Variants in TMPRSS9 observed in about 807,000 individuals in gnomAD.
TMPRSS9 encodes the protein transmembrane serine protease 9.
A neutral mutation model predicts 111.4 loss-of-function variants in TMPRSS9; 113 were observed. That is an observed-to-expected ratio of 1.01 (90% CI 0.87 to 1.19). The LOEUF (loss-of-function observed/expected upper bound fraction) is 1.19, where lower values mean the gene tolerates loss of function less well. Ranked by LOEUF, TMPRSS9 falls within the 50% of genes most tolerant of loss-of-function variation. The probability of loss-of-function intolerance (pLI) is 0.00; values close to 1 mark genes in which losing one functional copy is unlikely to be tolerated. For synonymous variants in TMPRSS9, 805 were observed against 659.1 expected, an observed-to-expected ratio of 1.22 and a Z score of -3.39; for missense variants, 1,803 against 1,513.1, an observed-to-expected ratio of 1.19 and a Z score of -3.18.
chr19:2,377,194 C>T (rs949920380), intron 1 of TMPRSS9, among the ~76,000 whole-genome samples: 6 of 150,536 alleles, frequency 4.0e-5, no homozygotes, highest in Admixed American at 6.6e-5. Context: ...TGACGGCTCA[C>T]ATTTCAGTCC....
upstream of TMPRSS9, among the ~76,000 whole-genome samples, chr19:2,386,142 G>A (rs923243952): frequency 3.9e-5 from 6 of 152,034 alleles, no homozygotes; most frequent in Non-Finnish European, 8.8e-5. Context: ...TCGACATGGG[G>A]TCTTGCTATG....
chr19:2,388,276 A>C (rs1275970395), upstream of TMPRSS9, among the ~76,000 whole-genome samples: 1 of 151,920 alleles, frequency 6.6e-6, no homozygotes, highest in Non-Finnish European at 1.5e-5. Context: ...GGCCCTAGCT[A>C]CTAGGAGGCG....
Position 2,412,445 on chromosome 19 carries a change from G to A in TMPRSS9, c.1255-1255G>A, listed in dbSNP as rs559346429. On this transcript the variant is annotated intron_variant, in intron 9 of 17. Coordinates refer to ENST00000648592, the Ensembl canonical transcript of TMPRSS9. ...TTAAAAATGTCGCTCAATTCTTGCC[G>A]TGATCTTATATTTGCTATTCACTTT... 3.3e-5 allele frequency among the ~76,000 whole-genome samples: 5 copies of A among 152,164 alleles called. No individual in the cohort carries two copies. In the South Asian group the frequency reaches 6.2e-4, roughly 19 times the overall value.
intron 1 of TMPRSS9, among the ~76,000 whole-genome samples, chr19:2,380,574 C>A (rs891894186): frequency 3.7e-5 from 5 of 136,100 alleles, no homozygotes; most frequent in Non-Finnish European, 7.6e-5. Context: ...GCACTCCAGC[C>A]TGGGCAACAG....
At chr19:2,397,109 C>G (rs1378951934) in intron 2 of TMPRSS9, among the ~76,000 whole-genome samples, 1 of 151,668 alleles carries the variant, frequency 6.6e-6, no homozygotes, top group Non-Finnish European at 1.5e-5. Flanking sequence ...TTAGTAGAGA[C>G]GGGGTTTCAC....
At chr19:2,415,055 C>T (rs1001101607) in intron 10 of TMPRSS9, among the ~76,000 whole-genome samples, 2 of 150,720 alleles carry the variant, frequency 1.3e-5, no homozygotes, top group African/African-American at 4.9e-5. Context: ...AGTGATTCTC[C>T]TGCCTCAGCC....
chr19:2,368,004 C>A (rs1005237133), intron 1 of TMPRSS9, among the ~76,000 whole-genome samples: 3 of 152,186 alleles, frequency 2.0e-5, no homozygotes, highest in Non-Finnish European at 2.9e-5. Context: ...AGCCACCATG[C>A]CTGGCTTTAT....
intron 6 of TMPRSS9, among the ~76,000 whole-genome samples, chr19:2,403,626 G>T (rs1442345879): frequency 1.3e-5 from 2 of 151,824 alleles, no homozygotes; most frequent in African/African-American, 4.8e-5. Flanking sequence ...GGAGGCCAAG[G>T]CAGGAGGATC....
At chr19:2,421,903 A>C in exon 14 of TMPRSS9, 1 of 1,612,482 alleles carries the variant, frequency 6.2e-7, no homozygotes, top group South Asian at 1.1e-5. Flanking sequence ...GGCGTGTTTT[A>C]TCTGGCAGGG....
Position 2,424,873 on chromosome 19 carries a change from A to C in TMPRSS9, c.2718-129A>C. On this transcript the variant is annotated intron_variant, in intron 15 of 17. Coordinates refer to ENST00000648592, the Ensembl canonical transcript of TMPRSS9. Reference sequence around the variant, plus strand: ...TGGGGGAGACTGAGCCCATTCCCAGACCGACAGCCAGAGACCAAGAGGCCA... The same window carrying C: ...TGGGGGAGACTGAGCCCATTCCCAGCCCGACAGCCAGAGACCAAGAGGCCA... 1.7e-6 allele frequency: 2 copies of C among 1,206,496 alleles called. 1 individual carries two copies. The highest frequency in any genetic ancestry group is 3.3e-5 in the African/African-American group (2 of 61,272). 74.7% of individuals were successfully genotyped at this position (1,206,496 alleles called of 1,614,324 possible). A position where few individuals can be genotyped will look rare whatever the true frequency, so the allele number is the denominator to read the frequency against.
chr19:2,416,270 T>G, intron 11 of TMPRSS9: 5 of 502,838 alleles, frequency 9.9e-6, no homozygotes, highest in South Asian at 6.3e-5. Context: ...CTGTAGGGGG[T>G]TGGGGGGGGG....
intron 1 of TMPRSS9, among the ~76,000 whole-genome samples, chr19:2,369,010 G>A (rs1970269868): frequency 6.7e-6 from 1 of 150,146 alleles, no homozygotes; most frequent in Non-Finnish European, 1.5e-5. Flanking sequence ...GTAGTGCAAA[G>A]GTGTGATCTC....
intron 7 of TMPRSS9, among the ~76,000 whole-genome samples, chr19:2,406,869 GGCTCTCTGTAA>G (rs1484832054): frequency 1.4e-5 from 2 of 144,146 alleles, no homozygotes; most frequent in Non-Finnish European, 3.0e-5. Context: ...GTGCAGTTTT[GGCTCTCTGTAA>G]GCTCCACCTC....
chr19:2,411,874 A>G (rs897559863), intron 9 of TMPRSS9, among the ~76,000 whole-genome samples: 5 of 152,058 alleles, frequency 3.3e-5, no homozygotes, highest in African/African-American at 9.7e-5. Flanking sequence ...TTTTGTTTTC[A>G]AGGTGTCTCA....
At chr19:2,394,505 C>T (rs956552779) in intron 1 of TMPRSS9, among the ~76,000 whole-genome samples, 3 of 152,200 alleles carry the variant, frequency 2.0e-5, no homozygotes, top group African/African-American at 7.2e-5. Context: ...ATTTCTGCAA[C>T]TTCCTGAATC....
At chr19:2,416,161 C>A in intron 11 of TMPRSS9, 1 of 418,450 alleles carries the variant, frequency 2.4e-6, no homozygotes, top group Non-Finnish European at 4.3e-6. Flanking sequence ...ATTGCTTGAG[C>A]CCAGGAGGTC....
intron 1 of TMPRSS9, among the ~76,000 whole-genome samples, chr19:2,395,526 A>C (rs1437987525): frequency 6.6e-6 from 1 of 151,798 alleles, no homozygotes; most frequent in Non-Finnish European, 1.5e-5. Flanking sequence ...CGGGAGTTTG[A>C]GACCAGCCTG....
intron 5 of TMPRSS9, 83 bp from the exon 7 acceptor site, chr19:2,402,999 G>A: frequency 2.2e-6 from 2 of 921,990 alleles, no homozygotes; most frequent in Non-Finnish European, 3.5e-6. Flanking sequence ...CCGTACCCTG[G>A]TGGTACTAAG....
Position 2,369,702 on chromosome 19 carries a change from G to T in TMPRSS9, c.-26+9342G>T, listed in dbSNP as rs373965545. 4.3e-4 allele frequency among the ~76,000 whole-genome samples: 64 copies of T among 150,580 alleles called. No homozygotes were observed. In the South Asian group the frequency reaches 8.4e-3, roughly 20 times the overall value. On this transcript the variant is annotated intron_variant, in intron 1 of 17. Coordinates refer to the TMPRSS9 transcript ENST00000649857. ...GATCCTCCTGCCACAGCCTCCAAAA[G>T]TGCTGGGATTACAGACCTGAGCCAC... is the stretch of plus-strand genomic sequence containing the variant.
Sources: gnomAD v4.1 joint callset for allele counts (sites outside exome capture counted in the v4.1 genomes callset) on GRCh38, gnomAD v4.1.1 for gene constraint, MANE v1.5 for transcripts, NCBI Gene and HGNC (gene_info 2026-07-23, HGNC 2026-07-21) for gene names.